The following PTPRZ1 variants were observed in gnomAD, a reference collection of about 807,000 sequenced individuals.
The protein encoded by PTPRZ1 is receptor-type tyrosine-protein phosphatase zeta.
PTPRZ1 carries 82 observed loss-of-function variants against 214.1 expected under a neutral mutation model. The ratio of observed to expected loss-of-function variants is 0.38; its 90% CI spans 0.32 to 0.46. PTPRZ1 has a LOEUF of 0.46. Ranked by LOEUF, PTPRZ1 falls within the 20% of genes least tolerant of loss-of-function variation. The pLI, the probability that PTPRZ1 is intolerant of heterozygous loss-of-function variation, is 1.00. For synonymous variants in PTPRZ1, 945 were observed against 987.9 expected (o/e 0.96, Z 0.81); for missense variants, 2,603 against 2,748.7 (o/e 0.95, Z 1.19).
chr7:121,946,413 A>T (rs776641637), intron 2 of PTPRZ1, among the ~76,000 whole-genome samples: 5 of 152,116 alleles, frequency 3.3e-5, no homozygotes, highest in Non-Finnish European at 5.9e-5. Context: ...AAATGTAAAA[A>T]ACTGGTTTAC....
chr7:121,968,139 T>A lies in PTPRZ1; in HGVS notation c.304+9T>A. ...TAACACTGGGAAAACAGGTAAAATA[T>A]TTGCATTCTGTTTGCCTTTAATATA... On this transcript the variant is annotated intron_variant, in intron 3 of 29. Transcript: ENST00000393386. The A allele has an allele frequency of 6.3e-7, 1 of 1,584,514 alleles. No homozygotes were observed. Among genetic ancestry groups the A allele is most frequent in the Non-Finnish European group, 8.6e-7 (1 of 1,167,610 alleles).
At chr7:121,989,987 T>A (rs1003752315) in intron 8 of PTPRZ1, among the ~76,000 whole-genome samples, 2 of 152,258 alleles carry the variant, frequency 1.3e-5, no homozygotes, top group East Asian at 3.9e-4. Context: ...GTTTACTGAT[T>A]TTTTTTACTT....
At chr7:122,059,927 G>A in intron 29 of PTPRZ1, 39 bp downstream of exon 29, 1 of 1,594,722 alleles carries the variant, frequency 6.3e-7, no homozygotes, top group Non-Finnish European at 8.5e-7. Context: ...TTCACTGATA[G>A]AGTACAACTA....
intron 27 of PTPRZ1, 70 bp from the exon 28 acceptor site, chr7:122,058,730 A>C: frequency 7.2e-7 from 1 of 1,392,910 alleles, no homozygotes; most frequent in Non-Finnish European, 9.9e-7. Context: ...GTAATTCCTG[A>C]TTTTCCTCAA....
At chr7:121,976,112 C>G (rs1336808131) in intron 4 of PTPRZ1, 61 bp from the exon 5 acceptor site, 4 of 1,146,160 alleles carry the variant, frequency 3.5e-6, no homozygotes, top group Non-Finnish European at 3.8e-6. Context: ...ATGTAGAATT[C>G]TCTTTGCTGA....
chr7:121,991,432 A>T (rs531662678), intron 8 of PTPRZ1, among the ~76,000 whole-genome samples: 8 of 152,346 alleles, frequency 5.3e-5, no homozygotes, highest in African/African-American at 1.9e-4. Context: ...AAAACAATAA[A>T]AGATAAAATA....
chr7:121,972,540 G>T lies in PTPRZ1; in HGVS notation c.305-1G>T. 1 of 1,581,020 alleles carries T rather than the reference G, an allele frequency of 6.3e-7. No homozygotes were observed. The highest frequency in any genetic ancestry group is 8.6e-7 in the Non-Finnish European group (1 of 1,168,214). ...AGGTGCAATTGTATTTCTTTTTTTA[G>T]TGGAAATTAATCTCACTAATGACTA... On this transcript the variant is annotated splice_acceptor_variant, in intron 3 of 29. Transcript: ENST00000393386. LOFTEE classifies it high-confidence loss of function.
At chr7:121,958,543 A>AATGTATGCT (rs2116479501) in intron 2 of PTPRZ1, among the ~76,000 whole-genome samples, 1 of 152,292 alleles carries the variant, frequency 6.6e-6, no homozygotes, top group East Asian at 1.9e-4. Flanking sequence ...TGTGGTTATA[A>AATGTATGCT]ATGTATGCTA....
intron 1 of PTPRZ1, among the ~76,000 whole-genome samples, chr7:121,915,353 C>G (rs192839621): frequency 6.6e-6 from 1 of 152,078 alleles, no homozygotes; most frequent in Non-Finnish European, 1.5e-5. Flanking sequence ...GCTCTGAGAC[C>G]GGAGAGGCTT....
At chr7:121,938,425 T>C (rs1237686878) in intron 2 of PTPRZ1, among the ~76,000 whole-genome samples, 1 of 152,210 alleles carries the variant, frequency 6.6e-6, no homozygotes, top group Non-Finnish European at 1.5e-5. Flanking sequence ...AGTGACTATT[T>C]GTGTTACCCT....
At chr7:121,921,037 G>T (rs749698664) in intron 1 of PTPRZ1, among the ~76,000 whole-genome samples, 5 of 151,960 alleles carry the variant, frequency 3.3e-5, no homozygotes, top group Admixed American at 6.6e-5. Context: ...TAGGGCATAG[G>T]ATTACAAGTG....
intron 21 of PTPRZ1, 83 bp from the exon 22 acceptor site, chr7:122,042,525 A>C (rs143872037): frequency 2.3e-5 from 31 of 1,340,026 alleles, no homozygotes; most frequent in Non-Finnish European, 2.8e-5. Flanking sequence ...TATTTTAATC[A>C]ACATGACAAC....
intron 1 of PTPRZ1, among the ~76,000 whole-genome samples, chr7:121,916,875 A>G (rs1464334232): frequency 2.6e-5 from 4 of 152,210 alleles, no homozygotes; most frequent in Non-Finnish European, 5.9e-5. Context: ...TTGGGGATTC[A>G]CAGAATGGGC....
Position 122,004,343 on chromosome 7 carries a change from AG to A in PTPRZ1, c.1241-267del, listed in dbSNP as rs199927950. Among the ~76,000 whole-genome samples the A allele has an allele frequency of 7.8e-3, 1,182 of 152,142 alleles. 13 individuals are homozygous for A. The highest frequency in any genetic ancestry group is 0.026 in the African/African-American group (1,095 of 41,520). ...TCCGTTCTTAGCTTCAATCAGACTTAGGGGCAGGGGAAATGGGGAAGGGAGT... is the reference window on the plus strand; with the variant it reads ...TCCGTTCTTAGCTTCAATCAGACTTAGGGCAGGGGAAATGGGGAAGGGAGT... On this transcript the variant is annotated intron_variant, in intron 10 of 29. Transcript: ENST00000393386.
At chr7:121,897,331 C>T (rs1297133530) in intron 1 of PTPRZ1, among the ~76,000 whole-genome samples, 1 of 152,054 alleles carries the variant, frequency 6.6e-6, no homozygotes, top group Non-Finnish European at 1.5e-5. Context: ...ATAGGTTTGA[C>T]ATAGATTTAG....
At chr7:121,913,137 C>T (rs1007016443) in intron 1 of PTPRZ1, among the ~76,000 whole-genome samples, 1 of 151,706 alleles carries the variant, frequency 6.6e-6, no homozygotes, top group Non-Finnish European at 1.5e-5. Flanking sequence ...TGAGAAAGAC[C>T]GTAAAAGTTA....
At chr7:122,000,512 C>G (rs551973584) in intron 10 of PTPRZ1, among the ~76,000 whole-genome samples, 2 of 151,136 alleles carry the variant, frequency 1.3e-5, no homozygotes, top group Admixed American at 1.3e-4. Context: ...AGCTTGGTAA[C>G]TGTAATGTAG....
chr7:122,028,727 A>G (rs1488209067), intron 14 of PTPRZ1, 84 bp downstream of exon 14: 2 of 1,075,244 alleles, frequency 1.9e-6, no homozygotes, highest in African/African-American at 1.6e-5. Flanking sequence ...TTATCGGGAC[A>G]CTATGCAAAT....
At chr7:121,943,686 G>A (rs1461017391) in intron 2 of PTPRZ1, among the ~76,000 whole-genome samples, 1 of 152,170 alleles carries the variant, frequency 6.6e-6, no homozygotes, top group African/African-American at 2.4e-5. Flanking sequence ...GAGACCATCA[G>A]AATTACCTGG....
Sources: gnomAD v4.1 joint callset for allele counts (sites outside exome capture counted in the v4.1 genomes callset) on GRCh38, gnomAD v4.1.1 for gene constraint, MANE v1.5 for transcripts, NCBI Gene and HGNC (gene_info 2026-07-23, HGNC 2026-07-21) for gene names.